Variants in NKAIN3 observed in about 807,000 individuals in gnomAD.
The protein encoded by NKAIN3 is sodium/potassium-transporting ATPase subunit beta-1-interacting protein 3.
A neutral mutation model predicts 30.2 loss-of-function variants in NKAIN3; 25 were observed. The observed-to-expected ratio is 0.83, with a 90% CI of 0.60 to 1.16. NKAIN3 has a LOEUF of 1.16. NKAIN3 is among the 50% of genes most tolerant of loss of function. The pLI is 0.00. For missense variants in NKAIN3, 225 were observed against 254.1 expected (o/e 0.89, Z 0.78); for synonymous variants, 91 against 89.6 (o/e 1.02, Z -0.09).
intron 1 of NKAIN3, among the ~76,000 whole-genome samples, chr8:62,364,048 G>A (rs772555014): frequency 2.0e-5 from 3 of 147,474 alleles, no homozygotes; most frequent in Admixed American, 6.8e-5. Context: ...TTCCTTCTCT[G>A]TATAGATGCT....
intron 4 of NKAIN3, among the ~76,000 whole-genome samples, chr8:62,854,635 T>C (rs1820007561): frequency 6.6e-6 from 1 of 152,232 alleles, no homozygotes; most frequent in Non-Finnish European, 1.5e-5. Flanking sequence ...CAGATGGATC[T>C]TGATTCTTTA....
intron 3 of NKAIN3, among the ~76,000 whole-genome samples, chr8:62,662,520 A>G (rs1013048726): frequency 4.6e-5 from 7 of 152,198 alleles, no homozygotes; most frequent in South Asian, 2.1e-4. Flanking sequence ...TACTAGAATC[A>G]TCGTATCCCC....
Position 62,308,199 on chromosome 8 carries a change from ACT to A in NKAIN3, c.54+59075_54+59076del, listed in dbSNP as rs567682172. ...TTTTAATTACTTTTTCTTGAGGATA[ACT>A]CTGTGTTGTTTAGTCAGCTGTACCT... is the stretch of plus-strand genomic sequence containing the variant. On this transcript the variant is annotated intron_variant, in intron 1 of 6. Transcript: ENST00000623646. Among the ~76,000 whole-genome samples the A allele has an allele frequency of 1.5e-3, 231 of 150,492 alleles. 24 individuals carry two copies. Among genetic ancestry groups the A allele is most frequent in the African/African-American group, 5.5e-3 (218 of 39,950 alleles).
intron 4 of NKAIN3, among the ~76,000 whole-genome samples, chr8:62,912,019 C>T (rs758001659): frequency 1.3e-5 from 2 of 152,070 alleles, no homozygotes; most frequent in African/African-American, 2.4e-5. Context: ...CGGCCTTAGG[C>T]GATTTCATCA....
chr8:62,652,735 A>G (rs1467124755), intron 3 of NKAIN3, among the ~76,000 whole-genome samples: 3 of 152,314 alleles, frequency 2.0e-5, no homozygotes, highest in Middle Eastern at 3.4e-3. Flanking sequence ...TTTGTGCCAG[A>G]GCTCTTCTAA....
intron 5 of NKAIN3, among the ~76,000 whole-genome samples, chr8:62,996,523 A>G (rs1804118014): frequency 6.6e-6 from 1 of 152,076 alleles, no homozygotes; most frequent in East Asian, 1.9e-4. Flanking sequence ...ACAACCAATC[A>G]TGCCTTCCCA....
intron 1 of NKAIN3, among the ~76,000 whole-genome samples, chr8:62,378,004 G>A (rs1402893632): frequency 1.3e-5 from 2 of 152,172 alleles, no homozygotes; most frequent in Non-Finnish European, 2.9e-5. Flanking sequence ...AAACAGTTTA[G>A]AGGGCTCAGA....
intron 4 of NKAIN3, among the ~76,000 whole-genome samples, chr8:62,898,209 A>T (rs1821494438): frequency 1.5e-5 from 2 of 132,208 alleles, no homozygotes; most frequent in South Asian, 5.5e-4. Flanking sequence ...TTTGGGCAAT[A>T]AGAAAATGGG....
intron 5 of NKAIN3, among the ~76,000 whole-genome samples, chr8:62,991,517 C>A (rs544774672): frequency 1.3e-5 from 2 of 152,200 alleles, no homozygotes; most frequent in Admixed American, 6.5e-5. Flanking sequence ...TGTGCTTGCT[C>A]AGCTCACTGA....
chr8:62,922,138 T>C (rs926259310), intron 5 of NKAIN3, among the ~76,000 whole-genome samples: 1 of 152,224 alleles, frequency 6.6e-6, no homozygotes, highest in African/African-American at 2.4e-5. Context: ...TAAAAAGCTC[T>C]AAATAGTTCT....
At chr8:62,304,954 ATCTCAGT>A (rs1814178033) in intron 1 of NKAIN3, among the ~76,000 whole-genome samples, 1 of 150,498 alleles carries the variant, frequency 6.6e-6, no homozygotes. Context: ...ATGTAATGAA[ATCTCAGT>A]TCTAGGCCTC....
chr8:62,792,980 G>A (rs1468003366), intron 4 of NKAIN3, among the ~76,000 whole-genome samples: 4 of 152,090 alleles, frequency 2.6e-5, no homozygotes, highest in Non-Finnish European at 5.9e-5. Context: ...TACATAGGGT[G>A]CAGTGTTGGG....
intron 3 of NKAIN3, among the ~76,000 whole-genome samples, chr8:62,734,252 C>T (rs976554591): frequency 4.6e-5 from 7 of 152,194 alleles, no homozygotes; most frequent in African/African-American, 1.4e-4. Flanking sequence ...CTCTGCACTC[C>T]AGCCTGGGTG....
intron 1 of NKAIN3, among the ~76,000 whole-genome samples, chr8:62,522,242 C>T (rs1018582522): frequency 2.6e-5 from 4 of 152,092 alleles, no homozygotes; most frequent in Non-Finnish European, 4.4e-5. Flanking sequence ...ATTCCTATCG[C>T]CTAATGATAC....
chr8:62,426,060 T>G (rs1368921197), intron 1 of NKAIN3, among the ~76,000 whole-genome samples: 1 of 151,954 alleles, frequency 6.6e-6, no homozygotes, highest in Non-Finnish European at 1.5e-5. Flanking sequence ...CTTCAAAAAT[T>G]TATTTATATT....
chr8:62,298,173 TG>T lies in NKAIN3; in HGVS notation c.54+49050del, dbSNP rs377589581. On this transcript the variant is annotated intron_variant, in intron 1 of 6. Coordinates refer to ENST00000623646, the MANE Select transcript of NKAIN3 (RefSeq NM_001304533.3). ...GAACATCACACTCTGGAGACTGTTG[TG>T]GGGTGGGGGGAGGGGAAGGGATAGC... 7.3e-4 allele frequency among the ~76,000 whole-genome samples: 63 copies of T among 85,968 alleles called. No homozygotes were observed. In the East Asian group the frequency reaches 0.022, roughly 30 times the overall value. 56.4% of individuals were successfully genotyped at this position (85,968 alleles called of 152,430 possible). A position where few individuals can be genotyped will look rare whatever the true frequency, so the allele number is the denominator to read the frequency against.
chr8:62,774,504 T>G (rs1231527632), intron 4 of NKAIN3, among the ~76,000 whole-genome samples: 1 of 152,214 alleles, frequency 6.6e-6, no homozygotes, highest in Non-Finnish European at 1.5e-5. Context: ...GGAAAAGCTT[T>G]CAATTTTTGC....
At chr8:62,251,750 G>A (rs1400791117) in intron 1 of NKAIN3, among the ~76,000 whole-genome samples, 1 of 152,104 alleles carries the variant, frequency 6.6e-6, no homozygotes, top group African/African-American at 2.4e-5. Context: ...AAAACAGTAA[G>A]CAACCGCTGA....
At chr8:62,319,711 T>A (rs1357659375) in intron 1 of NKAIN3, among the ~76,000 whole-genome samples, 1 of 152,200 alleles carries the variant, frequency 6.6e-6, no homozygotes, top group East Asian at 1.9e-4. Context: ...TTATTATAAT[T>A]TCTGTTCTTT....
Sources: gnomAD v4.1 joint callset for allele counts (sites outside exome capture counted in the v4.1 genomes callset) on GRCh38, gnomAD v4.1.1 for gene constraint, MANE v1.5 for transcripts, NCBI Gene and HGNC (gene_info 2026-07-23, HGNC 2026-07-21) for gene names.